Variants in CEP170 observed in about 807,000 individuals in gnomAD.
CEP170 encodes centrosomal protein 170.
Under a neutral mutation model 151.9 loss-of-function variants are expected in CEP170, and 21 were observed. That is an observed-to-expected ratio of 0.14 (90% confidence interval 0.10 to 0.20). The LOEUF is 0.20. Among genes scored for constraint, CEP170 ranks in the 10% least tolerant of loss-of-function variants. CEP170 has a pLI of 1.00. For synonymous variants in CEP170, 356 were observed against 648.8 expected (o/e 0.55, Z 6.86); for missense variants, 964 against 1,892.9 (o/e 0.51, Z 9.11).
At position 243,189,268 on chromosome 1, in the gene CEP170, C is replaced by T. The variant is rs186213788; in HGVS notation, c.1108+1750G>A. Among the ~76,000 whole-genome samples the T allele has an allele frequency of 2.4e-3, 363 of 152,084 alleles. 1 individual carries two copies. Among genetic ancestry groups the T allele is most frequent in the African/African-American group, 8.5e-3 (353 of 41,498 alleles). ...AAAATAATGGCTTAAAAATAATAGT[C>T]GATACAGGCCAGGCGCGGTGGCTCA... On this transcript the variant is annotated intron_variant, in intron 8 of 19. Coordinates refer to ENST00000366542, the MANE Select transcript of CEP170 (RefSeq NM_014812.3).
At chr1:243,251,927 T>C (rs1214222468) in intron 1 of CEP170, among the ~76,000 whole-genome samples, 1 of 152,172 alleles carries the variant, frequency 6.6e-6, no homozygotes, top group Non-Finnish European at 1.5e-5. Flanking sequence ...AACTGGACAA[T>C]ATATCCAGTT....
At chr1:243,227,316 T>C (rs2063379611) in intron 1 of CEP170, among the ~76,000 whole-genome samples, 1 of 152,128 alleles carries the variant, frequency 6.6e-6, no homozygotes, top group Non-Finnish European at 1.5e-5. Flanking sequence ...CAAGCTCACG[T>C]TGTCTGTCAA....
chr1:243,182,041 T>C (rs1307354197), intron 10 of CEP170, among the ~76,000 whole-genome samples: 1 of 152,176 alleles, frequency 6.6e-6, no homozygotes, highest in Non-Finnish European at 1.5e-5. Flanking sequence ...TGAGGCCTAA[T>C]GGGAGGTGTT....
At chr1:243,197,562 T>C (rs1217893908) in intron 7 of CEP170, among the ~76,000 whole-genome samples, 48 of 151,978 alleles carry the variant, frequency 3.2e-4, no homozygotes. Flanking sequence ...CTTCCGGAAG[T>C]AACGTTTTCG....
chr1:243,197,779 T>G (rs2060756716), intron 7 of CEP170, among the ~76,000 whole-genome samples: 1 of 152,002 alleles, frequency 6.6e-6, no homozygotes, highest in Non-Finnish European at 1.5e-5. Flanking sequence ...GCCAGTAAAT[T>G]TCTTCCCTGT....
chr1:243,165,791 G>C lies in CEP170; in HGVS notation c.2169C>G (p.Gly723=), dbSNP rs2789194. The change falls in exon 13 of 20, where the codon GGC becomes GGG. Residue 723 remains glycine (G), a synonymous_variant. Coordinates refer to ENST00000366542, the MANE Select transcript of CEP170 (RefSeq NM_014812.3). Reference sequence around the variant, plus strand: ...TTTTCTCTTTTCCAGGAGCAGAGCTGCCTAAGTGAAGTAGGGTTTTATTAT... The same window carrying C: ...TTTTCTCTTTTCCAGGAGCAGAGCTCCCTAAGTGAAGTAGGGTTTTATTAT... ...GGDNKTLLHL[G]SSAPGKEKSE... is the part of the protein sequence containing the mutation. The C allele has an allele frequency of 7.0e-3, 11,268 of 1,613,882 alleles. 399 individuals are homozygous for C. The African/African-American group carries it at 0.13, about 18-fold the overall frequency.
At chr1:243,248,277 C>G (rs1049797090) in intron 1 of CEP170, among the ~76,000 whole-genome samples, 2 of 152,194 alleles carry the variant, frequency 1.3e-5, no homozygotes, top group African/African-American at 4.8e-5. Flanking sequence ...AAAATACTTC[C>G]TTTACTTGGC....
At chr1:243,162,833 T>C (rs1392357347) in intron 13 of CEP170, among the ~76,000 whole-genome samples, 1 of 152,222 alleles carries the variant, frequency 6.6e-6, no homozygotes, top group Non-Finnish European at 1.5e-5. Flanking sequence ...GAAATGTGAA[T>C]TGAAGTAGAG....
At chr1:243,142,162 C>G in intron 15 of CEP170, 154 bp downstream of exon 15, 8 of 1,481,482 alleles carry the variant, frequency 5.4e-6, no homozygotes, top group Non-Finnish European at 6.3e-6. Flanking sequence ...GTTACAAAAA[C>G]ATAAAATAAA....
chr1:243,129,928 T>C (rs1461126774), intron 17 of CEP170, among the ~76,000 whole-genome samples: 1 of 152,102 alleles, frequency 6.6e-6, no homozygotes, highest in Non-Finnish European at 1.5e-5. Flanking sequence ...TTACAAATGT[T>C]CTATTTTATT....
At chr1:243,255,605 T>C (rs923998940), upstream of CEP170, among the ~76,000 whole-genome samples, 19 of 152,248 alleles carry the variant, frequency 1.2e-4, no homozygotes, top group African/African-American at 4.1e-4. Flanking sequence ...TTAGAGCTTC[T>C]ATTTCTTGAA....
intron 1 of CEP170, 105 bp downstream of exon 1, chr1:243,254,935 G>T (rs911335843): frequency 1.4e-4 from 22 of 152,148 alleles, no homozygotes; most frequent in African/African-American, 5.3e-4. Context: ...GCGGCGGGCG[G>T]CGCCCGAGTC....
chr1:243,189,187 T>TA (rs2060119297), intron 8 of CEP170, among the ~76,000 whole-genome samples: 1 of 152,206 alleles, frequency 6.6e-6, no homozygotes, highest in Admixed American at 6.5e-5. Flanking sequence ...ATGTGGACAT[T>TA]AATCCCTCTA....
At position 243,235,749 on chromosome 1, in the gene CEP170, T is replaced by A. The variant is rs572202916; in HGVS notation, c.-41-10428A>T. 2.6e-5 allele frequency among the ~76,000 whole-genome samples: 4 copies of A among 152,134 alleles called. No individual in the cohort carries two copies. The South Asian group carries it at 8.3e-4, about 32-fold the overall frequency. On this transcript the variant is annotated intron_variant, in intron 1 of 19. Coordinates refer to ENST00000366542, the MANE Select transcript of CEP170 (RefSeq NM_014812.3). ...TCCAAATACCACACCACATATTCTA[T>A]GTCTGAGTTTATTATATATTTTTAA...
At chr1:243,176,574 A>C (rs1343871855) in intron 10 of CEP170, 4 of 186,234 alleles carry the variant, frequency 2.1e-5, no homozygotes, top group South Asian at 1.0e-4. Flanking sequence ...CCACTCCAAC[A>C]ATCATGAAAC....
At chr1:243,246,168 A>G (rs1431240550) in intron 1 of CEP170, among the ~76,000 whole-genome samples, 2 of 152,036 alleles carry the variant, frequency 1.3e-5, no homozygotes, top group Non-Finnish European at 2.9e-5. Flanking sequence ...GAAATCAAAG[A>G]AAAACATTGA....
At chr1:243,220,820 A>T (rs2062733491) in intron 3 of CEP170, among the ~76,000 whole-genome samples, 2 of 152,240 alleles carry the variant, frequency 1.3e-5, no homozygotes, top group South Asian at 2.1e-4. Context: ...ATATTATGCC[A>T]AATGTAGACA....
At chr1:243,184,759 C>G (rs559522857) in intron 10 of CEP170, among the ~76,000 whole-genome samples, 12 of 151,812 alleles carry the variant, frequency 7.9e-5, no homozygotes, top group African/African-American at 2.9e-4. Context: ...CCTGAAGAGG[C>G]CATTCCAGAA....
At chr1:243,199,834 T>G (rs1257154808) in intron 6 of CEP170, among the ~76,000 whole-genome samples, 1 of 152,054 alleles carries the variant, frequency 6.6e-6, no homozygotes, top group Non-Finnish European at 1.5e-5. Context: ...TGTAAATTAT[T>G]ATATGGTGAT....
Sources: gnomAD v4.1 joint callset for allele counts (sites outside exome capture counted in the v4.1 genomes callset) on GRCh38, gnomAD v4.1.1 for gene constraint, MANE v1.5 for transcripts, NCBI Gene and HGNC (gene_info 2026-07-23, HGNC 2026-07-21) for gene names.